Variants in STK32B observed in about 807,000 individuals in gnomAD.
STK32B encodes the protein serine/threonine kinase 32B, also known as serine/threonine-protein kinase 32B.
STK32B carries 43 observed loss-of-function variants against 52.6 expected under a neutral mutation model. That is an observed-to-expected ratio of 0.82 (90% CI 0.64 to 1.05). The LOEUF is 1.05. Ranked by LOEUF, STK32B falls within the 50% of genes least tolerant of loss-of-function variation. The pLI is 0.00. For synonymous variants in STK32B, 238 were observed against 204.3 expected (o/e 1.17, Z -1.41); for missense variants, 621 against 534.6 (o/e 1.16, Z -1.59).
intron 4 of STK32B, among the ~76,000 whole-genome samples, chr4:5,344,311 T>A (rs1308275784): frequency 6.6e-6 from 1 of 152,192 alleles, no homozygotes; most frequent in Non-Finnish European, 1.5e-5. Context: ...ATTACCTACA[T>A]GAAATTGTAT....
chr4:5,270,184 G>A (rs1314046268), intron 3 of STK32B, among the ~76,000 whole-genome samples: 2 of 152,170 alleles, frequency 1.3e-5, no homozygotes, highest in African/African-American at 2.4e-5. Context: ...TATATAAAGA[G>A]GAGTTTATTA....
intron 3 of STK32B, among the ~76,000 whole-genome samples, chr4:5,310,627 G>T (rs1577324861): frequency 6.6e-6 from 1 of 152,032 alleles, no homozygotes; most frequent in Non-Finnish European, 1.5e-5. Context: ...AAACAGTATG[G>T]AGGGTCCTAA....
In STK32B at chr4:5,500,223, C is replaced by T. The variant is rs1487403927; in HGVS notation, c.*1140C>T. The T allele has an allele frequency of 6.6e-6, 1 of 152,134 alleles. No individual in the cohort carries two copies. Among genetic ancestry groups the T allele is most frequent in the Admixed American group, 6.5e-5 (1 of 15,274 alleles). 9.4% of individuals were successfully genotyped at this position (152,134 alleles called of 1,614,324 possible). On this transcript the variant is annotated 3_prime_UTR_variant, in exon 12 of 12. Transcript: ENST00000282908. ...TCCAGCCCTGCTGGCTACTAACTAA[C>T]TGGGAGACCTTAGGCAAAGCATGCA... is the stretch of plus-strand genomic sequence containing the variant.
At chr4:5,187,098 T>C (rs1482762652) in intron 3 of STK32B, among the ~76,000 whole-genome samples, 1 of 152,172 alleles carries the variant, frequency 6.6e-6, no homozygotes, top group East Asian at 1.9e-4. Flanking sequence ...AGGCAGTTCC[T>C]GCAGGTGAGT....
At chr4:5,478,022 GT>G (rs1371809138) in intron 11 of STK32B, among the ~76,000 whole-genome samples, 1 of 152,136 alleles carries the variant, frequency 6.6e-6, no homozygotes, top group Admixed American at 6.5e-5. Context: ...ACTGGTACCA[GT>G]GCCCAGAATG....
At chr4:5,215,563 T>A (rs1376568913) in intron 3 of STK32B, among the ~76,000 whole-genome samples, 1 of 152,192 alleles carries the variant, frequency 6.6e-6, no homozygotes, top group Non-Finnish European at 1.5e-5. Flanking sequence ...GTCAAATGGC[T>A]TCCTGTTTGG....
At chr4:5,199,815 C>A (rs996318832) in intron 3 of STK32B, among the ~76,000 whole-genome samples, 1 of 151,758 alleles carries the variant, frequency 6.6e-6, no homozygotes, top group Non-Finnish European at 1.5e-5. Flanking sequence ...GCCCTCTGCT[C>A]GTCTGTGAAG....
intron 3 of STK32B, among the ~76,000 whole-genome samples, chr4:5,223,313 G>A (rs986838745): frequency 6.6e-6 from 1 of 152,186 alleles, no homozygotes; most frequent in African/African-American, 2.4e-5. Context: ...GCTGCAGAGA[G>A]CCCCTAATGA....
chr4:5,213,909 T>C (rs1185356511), intron 3 of STK32B, among the ~76,000 whole-genome samples: 1 of 152,260 alleles, frequency 6.6e-6, no homozygotes, highest in Non-Finnish European at 1.5e-5. Flanking sequence ...ATTTTATGTC[T>C]GCTTTGAAAA....
intron 1 of STK32B, among the ~76,000 whole-genome samples, chr4:5,106,351 T>C (rs1714107299): frequency 6.6e-6 from 1 of 152,224 alleles, no homozygotes; most frequent in Admixed American, 6.5e-5. Context: ...TCTTGTTCTT[T>C]ATGAAAATGC....
chr4:5,181,567 G>T (rs770715336), intron 3 of STK32B, among the ~76,000 whole-genome samples: 3 of 152,182 alleles, frequency 2.0e-5, no homozygotes, highest in African/African-American at 7.2e-5. Context: ...AATATTGCAG[G>T]TTCAGTATCA....
chr4:5,116,349 G>A (rs1012705133), intron 1 of STK32B, among the ~76,000 whole-genome samples: 1 of 152,082 alleles, frequency 6.6e-6, no homozygotes, highest in Non-Finnish European at 1.5e-5. Flanking sequence ...TTAATAATTT[G>A]TTGTCGTTGT....
chr4:5,273,146 A>G (rs1727561169), intron 3 of STK32B, among the ~76,000 whole-genome samples: 1 of 145,554 alleles, frequency 6.9e-6, no homozygotes, highest in Admixed American at 6.9e-5. Context: ...CATTTACAAG[A>G]AAAAAACAAA....
chr4:5,435,462 G>T (rs914102665), intron 6 of STK32B, among the ~76,000 whole-genome samples: 1 of 152,114 alleles, frequency 6.6e-6, no homozygotes, highest in African/African-American at 2.4e-5. Flanking sequence ...TCCTTCCTCT[G>T]CAAGAATCCT....
chr4:5,482,398 G>A (rs1197445075), intron 11 of STK32B, among the ~76,000 whole-genome samples: 2 of 152,098 alleles, frequency 1.3e-5, no homozygotes, highest in Admixed American at 6.6e-5. Flanking sequence ...TCTGTTATTG[G>A]TGTATTAGAA....
At chr4:5,373,803 G>T (rs1361525064) in intron 4 of STK32B, among the ~76,000 whole-genome samples, 1 of 152,198 alleles carries the variant, frequency 6.6e-6, no homozygotes, top group African/African-American at 2.4e-5. Flanking sequence ...TCTGCAATCT[G>T]AGTATGTGGG....
intron 3 of STK32B, among the ~76,000 whole-genome samples, chr4:5,250,556 A>C (rs998275776): frequency 6.6e-6 from 1 of 151,784 alleles, no homozygotes; most frequent in South Asian, 2.1e-4. Context: ...CAAGTGATCC[A>C]CCCGCCTCGG....
intron 11 of STK32B, among the ~76,000 whole-genome samples, chr4:5,495,358 T>G (rs1720131537): frequency 6.6e-6 from 1 of 152,232 alleles, no homozygotes; most frequent in African/African-American, 2.4e-5. Context: ...TTTCTTCCAG[T>G]TGATCTCATT....
chr4:5,055,689 G>A (rs752487657), intron 1 of STK32B, among the ~76,000 whole-genome samples: 9 of 152,036 alleles, frequency 5.9e-5, no homozygotes, highest in Non-Finnish European at 1.0e-4. Context: ...CTTCCTGCTC[G>A]TCTGACATGC....
Sources: allele counts gnomAD v4.1 joint callset (sites outside exome capture counted in the v4.1 genomes callset), GRCh38; gene constraint gnomAD v4.1.1; transcripts MANE v1.5; gene names NCBI Gene and HGNC (gene_info 2026-07-23, HGNC 2026-07-21).